The following DNAH9 variants were observed in gnomAD, a reference collection of about 807,000 sequenced individuals.
The protein encoded by DNAH9 is DNAH9 variant protein.
In DNAH9, 345 loss-of-function variants were observed where a neutral mutation model predicts 471.6. The observed-to-expected ratio is 0.73, with a 90% CI of 0.67 to 0.80. The LOEUF is 0.80. Ranked by LOEUF, DNAH9 falls within the 30% of genes least tolerant of loss-of-function variation. The pLI is 0.00. For synonymous variants in DNAH9, 2,093 were observed against 2,123.6 expected (o/e 0.99, Z 0.40); for missense variants, 5,407 against 5,609.2 (o/e 0.96, Z 1.15).
intron 9 of DNAH9, among the ~76,000 whole-genome samples, chr17:11,638,317 C>T (rs9896577): frequency 0.37 from 55,916 of 151,892 alleles, 10,603 homozygotes; most frequent in South Asian, 0.44. Flanking sequence ...TCAAATGCCT[C>T]CAGAAGCTAT....
In DNAH9 at chr17:11,905,750, C is replaced by T; in HGVS notation, c.11690C>T (p.Thr3897Ile). 1 of 1,614,194 alleles carries T rather than the reference C, an allele frequency of 6.2e-7. No homozygotes were observed. Among genetic ancestry groups the T allele is most frequent in the Non-Finnish European group, 8.5e-7 (1 of 1,180,036 alleles). The stretch of plus-strand genomic sequence containing the variant: ...TCATTTGAAGAATCGGGACCAGCCA[C>T]TCCTATGTTTTTCATCCTGTCTCCA... ...ATSFEESGPA[T>I]PMFFILSPGV... Residue 3897 changes from threonine to isoleucine, a missense_variant, in exon 61 of 69, where the codon ACT becomes ATT. By Grantham distance (89) the Thr-to-Ile change is moderately conservative. Coordinates refer to ENST00000262442, the MANE Select transcript of DNAH9 (RefSeq NM_001372.4).
intron 52 of DNAH9, 29 bp downstream of exon 52, chr17:11,871,815 ACAT>A: frequency 6.2e-7 from 1 of 1,608,214 alleles, no homozygotes. Flanking sequence ...TCTCCCGACC[ACAT>A]CAGCCTCTGG....
At chr17:11,748,406 G>T (rs1315908681) in intron 32 of DNAH9, among the ~76,000 whole-genome samples, 1 of 152,140 alleles carries the variant, frequency 6.6e-6, no homozygotes, top group Non-Finnish European at 1.5e-5. Flanking sequence ...GGTGTAGAGT[G>T]TTAATGCTGC....
chr17:11,932,238 G>C lies in DNAH9; in HGVS notation c.12297+33G>C. The C allele has an allele frequency of 6.2e-7, 1 of 1,600,900 alleles. No individual in the cohort carries two copies. Among genetic ancestry groups the C allele is most frequent in the Admixed American group, 1.7e-5 (1 of 58,824 alleles). ...CCATGGACATTCAGGGACCAGCCAG[G>C]TTGGGAGAGGGTTAAAATTATTTAA... is the stretch of plus-strand genomic sequence containing the variant. On this transcript the variant is annotated intron_variant, in intron 64 of 68. Transcript: ENST00000262442. The surrounding 1 kb of genome is among the most constrained non-coding windows in gnomAD (Gnocchi z 4.3).
intron 15 of DNAH9, among the ~76,000 whole-genome samples, chr17:11,668,353 A>G (rs916242726): frequency 6.6e-6 from 1 of 152,206 alleles, no homozygotes; most frequent in Non-Finnish European, 1.5e-5. Flanking sequence ...GCTGCTTCCA[A>G]GAAATGGGCT....
At chr17:11,720,286 A>T (rs531237157) in intron 27 of DNAH9, among the ~76,000 whole-genome samples, 1 of 151,476 alleles carries the variant, frequency 6.6e-6, no homozygotes, top group Admixed American at 6.6e-5. Flanking sequence ...TCTAGGGTAC[A>T]TGTGCACAAC....
In DNAH9 at chr17:11,784,399, C is replaced by T. The variant is rs1294694056; in HGVS notation, c.7921C>T (p.Pro2641Ser). The T allele has an allele frequency of 1.2e-6, 2 of 1,614,164 alleles. No homozygotes were observed. The highest frequency in any genetic ancestry group is 2.2e-5 in the South Asian group (2 of 91,072). Residue 2641 changes from proline to serine, a missense_variant, in exon 41 of 69, where the codon CCG (proline) becomes TCG (serine). Physicochemically the swap from Pro to Ser is moderately conservative, Grantham distance 74 (BLOSUM62 -1). Around this residue, in one of 3 missense-constraint regions of DNAH9, gnomAD observed 4,636 missense variants for 4,900.3 expected, o/e 0.95. Coordinates refer to ENST00000262442, the MANE Select transcript of DNAH9 (RefSeq NM_001372.4). ...LTQHLKLGNF[P>S]ASLQKSIPPL... ...TCAGCATCTGAAGCTCGGAAACTTCCCGGCGTCCCTGCAGAAATCCATCCC... is the reference window on the plus strand; with the variant it reads ...TCAGCATCTGAAGCTCGGAAACTTCTCGGCGTCCCTGCAGAAATCCATCCC...
chr17:11,647,069 C>T lies in DNAH9; in HGVS notation c.1971-3C>T. ...AGGTGGCTGTTGTCTCTGACCCTTG[C>T]AGGTATGAGACAAGACTTTATGAGG... On this transcript the variant is annotated splice_region_variant and splice_polypyrimidine_tract_variant and intron_variant, in intron 11 of 68. Transcript: ENST00000262442. 6.2e-7 allele frequency: 1 copy of T among 1,613,396 alleles called. No homozygotes were observed. Among genetic ancestry groups the T allele is most frequent in the Non-Finnish European group, 8.5e-7 (1 of 1,179,614 alleles).
chr17:11,923,887 G>A lies in DNAH9; in HGVS notation c.11823G>A (p.Val3941=), dbSNP rs769449197. 15 of 1,613,924 alleles carry A rather than the reference G, an allele frequency of 9.3e-6. No individual in the cohort carries two copies. The highest frequency in any genetic ancestry group is 1.3e-5 in the Non-Finnish European group (15 of 1,180,000). The part of the protein sequence containing the change: ...NVSLGQGQEV[V]AEAALDLAAK... The stretch of plus-strand genomic sequence containing the variant: ...CTTTGGGGCAAGGACAGGAAGTGGT[G>A]GCTGAGGCTGCGCTGGACCTCGCTG... Residue 3941 remains valine, a synonymous_variant, in exon 62 of 69, where the codon GTG becomes GTA. Coordinates refer to ENST00000262442, the MANE Select transcript of DNAH9 (RefSeq NM_001372.4).
At chr17:11,839,470 C>T (rs556852693) in intron 49 of DNAH9, among the ~76,000 whole-genome samples, 6 of 151,470 alleles carry the variant, frequency 4.0e-5, no homozygotes, top group African/African-American at 7.3e-5. Flanking sequence ...GAGCCGAGAT[C>T]GCGCCACTGC....
chr17:11,728,716 C>A (rs892199613), intron 28 of DNAH9, among the ~76,000 whole-genome samples: 1 of 152,002 alleles, frequency 6.6e-6, no homozygotes, highest in Non-Finnish European at 1.5e-5. Context: ...AGGGGGGGAA[C>A]GTTTGAATAA....
intron 43 of DNAH9, among the ~76,000 whole-genome samples, chr17:11,803,405 C>T (rs988643637): frequency 2.6e-5 from 4 of 152,266 alleles, no homozygotes; most frequent in Middle Eastern, 3.4e-3. Context: ...TGTGTGCGCT[C>T]GCACACACGC....
chr17:11,754,951 A>G (rs922702615), intron 33 of DNAH9, among the ~76,000 whole-genome samples: 1 of 152,104 alleles, frequency 6.6e-6, no homozygotes, highest in African/African-American at 2.4e-5. Flanking sequence ...CAGGGCTTTT[A>G]TAGTTTTGGA....
Position 11,930,059 on chromosome 17 carries a change from C to A in DNAH9, c.12071C>A (p.Ala4024Asp), listed in dbSNP as rs1346162864. 1.2e-6 allele frequency: 2 copies of A among 1,614,116 alleles called. No individual in the cohort carries two copies. The highest frequency in any genetic ancestry group is 1.7e-6 in the Non-Finnish European group (2 of 1,180,004). Residue 4024 changes from alanine to aspartate, a missense_variant, in exon 63 of 69, where the codon GCC becomes GAC. This residue lies in a region of DNAH9 where 4,636 missense variants were observed against 4,900.3 expected (regional missense o/e 0.95). Transcript: ENST00000262442. ...ITNEPPTGMH[A>D]NLHKALDNFT... is the part of the protein sequence containing the mutation. ...AATGAGCCCCCCACGGGCATGCATGCCAACCTGCACAAGGCCCTGGACAAC... is the reference window on the plus strand; with the variant it reads ...AATGAGCCCCCCACGGGCATGCATGACAACCTGCACAAGGCCCTGGACAAC...
rs1254887022 is a variant in DNAH9 at position 11,932,749 on chromosome 17, A to G, written c.12297+544A>G. On this transcript the variant is annotated intron_variant, in intron 64 of 68. Transcript: ENST00000262442. The surrounding 1 kb of genome is among the most constrained non-coding windows in gnomAD (Gnocchi z 4.3). Reference sequence around the variant, plus strand: ...GCTCAGGAAGTCTAACTAGAGACTCACACAGTGAGTCAGTCCCATGAGAGT... The same window carrying G: ...GCTCAGGAAGTCTAACTAGAGACTCGCACAGTGAGTCAGTCCCATGAGAGT... Among the ~76,000 whole-genome samples, 6 of 152,142 alleles carry G rather than the reference A, an allele frequency of 3.9e-5. No individual in the cohort carries two copies. Among genetic ancestry groups the G allele is most frequent in the African/African-American group, 7.2e-5 (3 of 41,438 alleles).
At chr17:11,835,835 T>C (rs1476107366) in intron 49 of DNAH9, among the ~76,000 whole-genome samples, 1 of 152,152 alleles carries the variant, frequency 6.6e-6, no homozygotes, top group East Asian at 1.9e-4. Flanking sequence ...GGCTGAGCCA[T>C]GCAAGTGGCT....
chr17:11,888,217 T>C (rs534056044), intron 57 of DNAH9, among the ~76,000 whole-genome samples: 22 of 152,112 alleles, frequency 1.4e-4, no homozygotes, highest in East Asian at 3.9e-4. Context: ...ATCTCCGGAC[T>C]TCGTGATCCG....
chr17:11,689,704 G>C lies in DNAH9; in HGVS notation c.3882G>C (p.Gln1294His), dbSNP rs771687742. The C allele has an allele frequency of 1.9e-6, 3 of 1,614,220 alleles. 1 individual carries two copies. In the South Asian group the frequency reaches 3.3e-5, roughly 18 times the overall value. ...VNVPDYKQLR[Q>H]CRKEVCQLKE... ...TCCCTGACTATAAGCAGCTGAGGCA[G>C]TGCAGGAAGGAGGTCTGCCAGCTGA... Residue 1294 changes from glutamine to histidine, a missense_variant, in exon 20 of 69, where the codon CAG becomes CAC. Coordinates refer to ENST00000262442, the MANE Select transcript of DNAH9 (RefSeq NM_001372.4).
At position 11,962,279 on chromosome 17, in the gene DNAH9, G is replaced by A. The variant is rs1426233542; in HGVS notation, c.13233+23G>A. On this transcript the variant is annotated intron_variant, in intron 68 of 68. Coordinates refer to ENST00000262442, the MANE Select transcript of DNAH9 (RefSeq NM_001372.4). This position sits in a 1 kb window ranked among gnomAD's most constrained non-coding sequence, Gnocchi z 4.1. ...CAGGTAAAGCTTGGAATGAACCAAA[G>A]GGCAGCTTTCTGGGGGCTGATTAAA... 1.9e-6 allele frequency: 3 copies of A among 1,558,080 alleles called. No homozygotes were observed. The highest frequency in any genetic ancestry group is 2.6e-6 in the Non-Finnish European group (3 of 1,154,402).
Sources: gnomAD v4.1 joint callset for allele counts (sites outside exome capture counted in the v4.1 genomes callset) on GRCh38, gnomAD v4.1.1 for gene constraint, gnomAD v4.1.1 regional missense constraint, Gnocchi (gnomAD v3.1) non-coding constraint, MANE v1.5 for transcripts, NCBI Gene and HGNC (gene_info 2026-07-23, HGNC 2026-07-21) for gene names.